Variants in NACA2 observed in about 807,000 individuals in gnomAD.
The protein encoded by NACA2 is nascent polypeptide-associated complex subunit alpha-2.
In NACA2, 9 loss-of-function variants were observed where a neutral mutation model predicts 15.6. That is an observed-to-expected ratio of 0.58 (90% CI 0.35 to 1.00). The LOEUF (loss-of-function observed/expected upper bound fraction) is 1.00. NACA2 is among the 50% of genes least tolerant of loss of function. The pLI is 0.02. For synonymous variants in NACA2, 111 were observed against 100.5 expected, an observed-to-expected ratio of 1.10 and a Z score of -0.62; for missense variants, 258 against 257.5, an observed-to-expected ratio of 1.00 and a Z score of -0.01.
chr17:61,590,968 C>A lies in NACA2; in HGVS notation c.213G>T (p.Arg71=), dbSNP rs759770899. Residue 71 remains arginine (R), a synonymous_variant, in exon 1 of 1, where the codon CGG becomes CGT. Transcript: ENST00000521764. ...TAGCCTTCCGTGCCCTCTTTTCACT[C>A]CGACTCTGTTTTGCTTTACCGACTG... The part of the protein sequence containing the change: ...EEPVGKAKQS[R]SEKRARKAMS... The A allele has an allele frequency of 1.2e-5, 20 of 1,614,124 alleles. No homozygotes were observed. In the African/African-American group the frequency reaches 2.4e-4, roughly 19 times the overall value.
rs2060998418 is a variant in NACA2 at position 61,591,101 on chromosome 17, G to C, written c.80C>G (p.Thr27Arg). 6.2e-7 allele frequency: 1 copy of C among 1,614,136 alleles called. No homozygotes were observed. The highest frequency in any genetic ancestry group is 1.3e-5 in the African/African-American group (1 of 74,950). The stretch of plus-strand genomic sequence containing the variant: ...TACTGATTCACCACTATCAGATGCT[G>C]TTCCAGACCCTGTCTCAGCCTGGGA... ...PQSQAETGSGTASDSGESVPG... is the reference protein window; with the variant it reads ...PQSQAETGSGRASDSGESVPG... Residue 27 changes from threonine to arginine, a missense_variant, in exon 1 of 1, where the codon ACA (threonine) becomes AGA (arginine). By Grantham distance (71) the Thr-to-Arg change is moderately conservative. Transcript: ENST00000521764.
rs371824085 is a variant in NACA2, at chr17:61,590,989, G to A, written c.192C>T (p.Val64=). The change falls in exon 1 of 1, where the codon GTC becomes GTT. Residue 64 remains valine, a synonymous_variant. Coordinates refer to ENST00000521764, the MANE Select transcript of NACA2 (RefSeq NM_199290.4). ...CACTCCGACTCTGTTTTGCTTTACC[G>A]ACTGGTTCTTCATCAATTTCAGCTG... ...VAAAEIDEEP[V]GKAKQSRSEK... 3 of 1,614,056 alleles carry A rather than the reference G, an allele frequency of 1.9e-6. No homozygotes were observed. The highest frequency in any genetic ancestry group is 2.2e-5 in the East Asian group (1 of 44,900).
rs2060998478 is a variant in NACA2, at chr17:61,591,113, G to A, written c.68C>T (p.Thr23Ile). The A allele has an allele frequency of 6.2e-7, 1 of 1,614,136 alleles. No individual in the cohort carries two copies. Among genetic ancestry groups the A allele is most frequent in the South Asian group, 1.1e-5 (1 of 91,096 alleles). The change falls in exon 1 of 1, where the codon ACA becomes ATA. Residue 23 changes from threonine to isoleucine, a missense_variant. Physicochemically the swap from Thr to Ile is moderately conservative, Grantham distance 89. Coordinates refer to ENST00000521764, the MANE Select transcript of NACA2 (RefSeq NM_199290.4). ...EQELPQSQAE[T>I]GSGTASDSGE... ...ACTATCAGATGCTGTTCCAGACCCT[G>A]TCTCAGCCTGGGACTGCGGCAACTC...
At position 61,590,602 on chromosome 17, in the gene NACA2, T is replaced by C. The variant is rs1190573277; in HGVS notation, c.579A>G (p.Ala193=). Residue 193 remains alanine, a synonymous_variant, in exon 1 of 1, where the codon GCA becomes GCG. Transcript: ENST00000521764. ...TGTTCTTCAGAGCTCGGACTGCCTT[T>C]GCTCTCGACACATTTGCTTGTGACA... ...LVMSQANVSR[A]KAVRALKNNS... 6.2e-6 allele frequency: 10 copies of C among 1,614,112 alleles called. No homozygotes were observed. Among genetic ancestry groups the C allele is most frequent in the Non-Finnish European group, 8.5e-6 (10 of 1,180,048 alleles).
Position 61,591,174 on chromosome 17 carries a change from C to G in NACA2, c.7G>C (p.Gly3Arg), listed in dbSNP as rs2143969752. ...GCAGGGACGGTTTCTGTGGCTTCGC[C>G]CGGCATTTTGTGCAGGGAACGCGGA... Reference protein sequence around the residue: MPGEATETVPATE... With the variant: MPREATETVPATE... The change falls in exon 1 of 1, where the codon GGC (glycine) becomes CGC (arginine). Residue 3 changes from glycine to arginine, a missense_variant. By Grantham distance (125) the Gly-to-Arg change is moderately radical (BLOSUM62 -2). Transcript: ENST00000521764. 6.2e-7 allele frequency: 1 copy of G among 1,614,226 alleles called. No individual in the cohort carries two copies. The highest frequency in any genetic ancestry group is 1.3e-5 in the African/African-American group (1 of 75,050).
rs2060997452 is a variant in NACA2, at chr17:61,590,955, C to A, written c.226G>T (p.Ala76Ser). 1 of 1,614,116 alleles carries A rather than the reference C, an allele frequency of 6.2e-7. No homozygotes were observed. Among genetic ancestry groups the A allele is most frequent in the African/African-American group, 1.3e-5 (1 of 74,930 alleles). Reference protein sequence around the residue: ...KAKQSRSEKRARKAMSKLGLL... With the variant: ...KAKQSRSEKRSRKAMSKLGLL... ...CCCAGTTTGGACATAGCCTTCCGTGCCCTCTTTTCACTCCGACTCTGTTTT... is the reference window on the plus strand; with the variant it reads ...CCCAGTTTGGACATAGCCTTCCGTGACCTCTTTTCACTCCGACTCTGTTTT... The change falls in exon 1 of 1, where the codon GCA becomes TCA. Residue 76 changes from alanine (A) to serine (S), a missense_variant. By Grantham distance (99) the Ala-to-Ser change is moderately conservative (BLOSUM62 1). Transcript: ENST00000521764.
At position 61,590,872 on chromosome 17, in the gene NACA2, G is replaced by A. The variant is rs1263651658; in HGVS notation, c.309C>T (p.Leu103=). Residue 103 remains leucine (L), a synonymous_variant, in exon 1 of 1, where the codon CTC becomes CTT. Coordinates refer to ENST00000521764, the MANE Select transcript of NACA2 (RefSeq NM_199290.4). The stretch of plus-strand genomic sequence containing the variant: ...AGACGTCCAGTTTTGTGATGACAAA[G>A]AGGATATTCTTAGATTTCCAGATAG... ...RVTIWKSKNI[L]FVITKLDVYK... 13 of 1,614,006 alleles carry A rather than the reference G, an allele frequency of 8.1e-6. No individual in the cohort carries two copies. Among genetic ancestry groups the A allele is most frequent in the Non-Finnish European group, 1.1e-5 (13 of 1,179,950 alleles).
In NACA2 at chr17:61,591,191, G is replaced by T; in HGVS notation, c.-11C>A. ...GGCTTCGCCCGGCATTTTGTGCAGG[G>T]AACGCGGAAGCAAGATGGCGGCAGA... On this transcript the variant is annotated 5_prime_UTR_variant, in exon 1 of 1. Coordinates refer to ENST00000521764, the MANE Select transcript of NACA2 (RefSeq NM_199290.4). 6.2e-7 allele frequency: 1 copy of T among 1,614,142 alleles called. No individual in the cohort carries two copies. Among genetic ancestry groups the T allele is most frequent in the Non-Finnish European group, 8.5e-7 (1 of 1,180,052 alleles).
Position 61,590,840 on chromosome 17 carries a change from C to T in NACA2, c.341G>A (p.Ser114Asn), listed in dbSNP as rs765292291. The T allele has an allele frequency of 4.3e-6, 7 of 1,614,064 alleles. No homozygotes were observed. Among genetic ancestry groups the T allele is most frequent in the Non-Finnish European group, 5.9e-6 (7 of 1,179,888 alleles). The change falls in exon 1 of 1, where the codon AGC (serine) becomes AAC (asparagine). Residue 114 changes from serine to asparagine, a missense_variant. Transcript: ENST00000521764. The part of the protein sequence containing the change: ...FVITKLDVYK[S>N]PASDAYIVFG... ...AACTATGTAGGCATCCGAAGCAGGG[C>T]TCTTGTAGACGTCCAGTTTTGTGAT...
chr17:61,590,589 C>T lies in NACA2; in HGVS notation c.592G>A (p.Ala198Thr), dbSNP rs776627171. 1.2e-6 allele frequency: 2 copies of T among 1,614,200 alleles called. No individual in the cohort carries two copies. The highest frequency in any genetic ancestry group is 1.1e-5 in the South Asian group (1 of 91,074). The change falls in exon 1 of 1, where the codon GCT (alanine) becomes ACT (threonine). Residue 198 changes from alanine (A) to threonine (T), a missense_variant. Coordinates refer to ENST00000521764, the MANE Select transcript of NACA2 (RefSeq NM_199290.4). ...ANVSRAKAVR[A>T]LKNNSNDIVN... is the part of the protein sequence containing the mutation. The stretch of plus-strand genomic sequence containing the variant: ...ATATCATTACTGTTGTTCTTCAGAG[C>T]TCGGACTGCCTTTGCTCTCGACACA...
Position 61,591,135 on chromosome 17 carries a change from A to G in NACA2, c.46T>C (p.Leu16=). Residue 16 remains leucine, a synonymous_variant, in exon 1 of 1, where the codon TTG becomes CTG. Transcript: ENST00000521764. The part of the protein sequence containing the change: ...TETVPATEQE[L]PQSQAETGSG... ...CCTGTCTCAGCCTGGGACTGCGGCA[A>G]CTCCTGCTCTGTAGCAGGGACGGTT... 1 of 1,614,096 alleles carries G rather than the reference A, an allele frequency of 6.2e-7. No homozygotes were observed.
At position 61,590,940 on chromosome 17, in the gene NACA2, A is replaced by G; in HGVS notation, c.241T>C (p.Ser81Pro). The G allele has an allele frequency of 6.2e-7, 1 of 1,614,218 alleles. No individual in the cohort carries two copies. Among genetic ancestry groups the G allele is most frequent in the Non-Finnish European group, 8.5e-7 (1 of 1,180,042 alleles). The change falls in exon 1 of 1, where the codon TCC becomes CCC. Residue 81 changes from serine (S) to proline (P), a missense_variant. Physicochemically the swap from Ser to Pro is moderately conservative, Grantham distance 74. Coordinates refer to ENST00000521764, the MANE Select transcript of NACA2 (RefSeq NM_199290.4). ...RSEKRARKAM[S>P]KLGLLQVTGV... Reference sequence around the variant, plus strand: ...GTAACCTGTAGAAGACCCAGTTTGGACATAGCCTTCCGTGCCCTCTTTTCA... The same window carrying G: ...GTAACCTGTAGAAGACCCAGTTTGGGCATAGCCTTCCGTGCCCTCTTTTCA...
rs751956258 is a variant in NACA2 at position 61,590,544 on chromosome 17, A to G, written c.637T>C (p.Leu213=). The G allele has an allele frequency of 1.6e-5, 26 of 1,614,120 alleles. No individual in the cohort carries two copies. In the Admixed American group the frequency reaches 2.0e-4, roughly 12 times the overall value. Residue 213 remains leucine (L), a synonymous_variant, in exon 1 of 1, where the codon TTA becomes CTA. Coordinates refer to ENST00000521764, the MANE Select transcript of NACA2 (RefSeq NM_199290.4). Reference sequence around the variant, plus strand: ...TTGCTTTCAGATGGTTACACTGTTAATTCCATAATCGCATTTACAATATCA... The same window carrying G: ...TTGCTTTCAGATGGTTACACTGTTAGTTCCATAATCGCATTTACAATATCA... ...SNDIVNAIME[L]TV
rs527645868 is a variant in NACA2 at position 61,590,807 on chromosome 17, T to G, written c.374A>C (p.Glu125Ala). ...CTGAGATAAATCTTGGATCTTGGCT[T>G]CCCCAAAAACTATGTAGGCATCCGA... ...PASDAYIVFG[E>A]AKIQDLSQQA... Residue 125 changes from glutamate to alanine, a missense_variant, in exon 1 of 1, where the codon GAA becomes GCA. Transcript: ENST00000521764. The G allele has an allele frequency of 6.2e-7, 1 of 1,614,228 alleles. No homozygotes were observed. Among genetic ancestry groups the G allele is most frequent in the Non-Finnish European group, 8.5e-7 (1 of 1,180,046 alleles).
Position 61,590,682 on chromosome 17 carries a change from C to T in NACA2, c.499G>A (p.Glu167Lys), listed in dbSNP as rs1291864734. 1 of 1,614,070 alleles carries T rather than the reference C, an allele frequency of 6.2e-7. No homozygotes were observed. The highest frequency in any genetic ancestry group is 8.5e-7 in the Non-Finnish European group (1 of 1,180,054). ...TQTPTVQEES[E>K]EEEVDETGVE... The stretch of plus-strand genomic sequence containing the variant: ...CCTGTTTCATCGACCTCTTCCTCTT[C>T]ACTCTCCTCTTGTACAGTTGGAGTC... The change falls in exon 1 of 1, where the codon GAA (glutamate) becomes AAA (lysine). Residue 167 changes from glutamate to lysine, a missense_variant. Coordinates refer to ENST00000521764, the MANE Select transcript of NACA2 (RefSeq NM_199290.4).
chr17:61,591,174 C>T lies in NACA2; in HGVS notation c.7G>A (p.Gly3Ser). 3 of 1,614,226 alleles carry T rather than the reference C, an allele frequency of 1.9e-6. No individual in the cohort carries two copies. The highest frequency in any genetic ancestry group is 2.5e-6 in the Non-Finnish European group (3 of 1,180,050). Residue 3 changes from glycine to serine, a missense_variant, in exon 1 of 1, where the codon GGC becomes AGC. Physicochemically the swap from Gly to Ser is moderately conservative, Grantham distance 56. Coordinates refer to ENST00000521764, the MANE Select transcript of NACA2 (RefSeq NM_199290.4). MP[G>S]EATETVPATE... ...GCAGGGACGGTTTCTGTGGCTTCGC[C>T]CGGCATTTTGTGCAGGGAACGCGGA...
At position 61,590,846 on chromosome 17, in the gene NACA2, T is replaced by C. The variant is rs1407523279; in HGVS notation, c.335A>G (p.Tyr112Cys). 7 of 1,614,140 alleles carry C rather than the reference T, an allele frequency of 4.3e-6. No homozygotes were observed. The highest frequency in any genetic ancestry group is 1.3e-5 in the African/African-American group (1 of 74,942). Residue 112 changes from tyrosine (Y) to cysteine (C), a missense_variant, in exon 1 of 1, where the codon TAC becomes TGC. Physicochemically the swap from Tyr to Cys is radical, Grantham distance 194 (BLOSUM62 -2). Transcript: ENST00000521764. ...GTAGGCATCCGAAGCAGGGCTCTTG[T>C]AGACGTCCAGTTTTGTGATGACAAA... Reference protein sequence around the residue: ...ILFVITKLDVYKSPASDAYIV... With the variant: ...ILFVITKLDVCKSPASDAYIV...
chr17:61,590,753 A>T lies in NACA2; in HGVS notation c.428T>A (p.Phe143Tyr). ...QQAQLAAAEK[F>Y]RVQGEAVGNI... ...TCCGACAGCTTCACCTTGAACTCTG[A>T]ATTTCTCCGCAGCTGCTAGTTGTGC... Residue 143 changes from phenylalanine (F) to tyrosine (Y), a missense_variant, in exon 1 of 1, where the codon TTC (phenylalanine) becomes TAC (tyrosine). Coordinates refer to ENST00000521764, the MANE Select transcript of NACA2 (RefSeq NM_199290.4). The T allele has an allele frequency of 6.2e-7, 1 of 1,614,124 alleles. No individual in the cohort carries two copies. The highest frequency in any genetic ancestry group is 1.3e-5 in the African/African-American group (1 of 75,014).
Position 61,591,152 on chromosome 17 carries a change from G to A in NACA2, c.29C>T (p.Pro10Leu), listed in dbSNP as rs150325535. The part of the protein sequence containing the change: MPGEATETV[P>L]ATEQELPQSQ... ...CTGCGGCAACTCCTGCTCTGTAGCA[G>A]GGACGGTTTCTGTGGCTTCGCCCGG... Residue 10 changes from proline to leucine, a missense_variant, in exon 1 of 1, where the codon CCT becomes CTT. Transcript: ENST00000521764. 9.9e-6 allele frequency: 16 copies of A among 1,614,154 alleles called. 1 individual carries two copies. The Admixed American group carries it at 1.3e-4, about 13-fold the overall frequency.
Sources: allele counts gnomAD v4.1 joint callset, GRCh38; gene constraint gnomAD v4.1.1; transcripts MANE v1.5; gene names NCBI Gene and HGNC (gene_info 2026-07-23, HGNC 2026-07-21).